CSNK2A1: variants seen among roughly 807,000 people sequenced by gnomAD.
CSNK2A1 encodes the protein casein kinase 2 alpha 1.
CSNK2A1 carries 10 observed loss-of-function variants against 62.9 expected under a neutral mutation model. The observed-to-expected ratio is 0.16, with a 90% CI of 0.10 to 0.27. The LOEUF (loss-of-function observed/expected upper bound fraction) is 0.27. Among genes scored for constraint, CSNK2A1 ranks in the 10% least tolerant of loss-of-function variants. CSNK2A1 has a pLI of 1.00. For synonymous variants in CSNK2A1, 124 were observed against 167.8 expected (o/e 0.74, Z 2.02); for missense variants, 160 against 492.0 (o/e 0.33, Z 6.38).
At position 479,544 on chromosome 20, in the gene CSNK2A1, G is replaced by A. The variant is rs1452283711; in HGVS notation, c.*4417C>T. On this transcript the variant is annotated 3_prime_UTR_variant, in exon 14 of 14. Coordinates refer to ENST00000217244, the MANE Select transcript of CSNK2A1 (RefSeq NM_177559.3). ...TACAATAACAATTTAAATCACCTGT[G>A]AAGAAAAGATTCAGAGAGGTTAACT... 1 of 152,198 alleles carries A rather than the reference G, an allele frequency of 6.6e-6. No homozygotes were observed. The highest frequency in any genetic ancestry group is 1.5e-5 in the Non-Finnish European group (1 of 68,036). The allele number at this position is 152,198 out of a possible 1,614,324, so 9.4% of individuals were successfully genotyped here.
chr20:520,979 G>T (rs911849930), intron 2 of CSNK2A1, among the ~76,000 whole-genome samples: 1 of 151,814 alleles, frequency 6.6e-6, no homozygotes, highest in African/African-American at 2.4e-5. Context: ...TACCTCTGGG[G>T]GGGAAAAAAA....
At chr20:486,841 T>C (rs367746468) in intron 12 of CSNK2A1, 1 of 202,602 alleles carries the variant, frequency 4.9e-6, no homozygotes, top group African/African-American at 2.3e-5. Context: ...GCCAAAGCTA[T>C]AGGTCCATGT....
intron 6 of CSNK2A1, chr20:498,218 T>G (rs1200266766): frequency 6.4e-6 from 1 of 155,380 alleles, no homozygotes; most frequent in Non-Finnish European, 1.4e-5. Context: ...ATACCAAACC[T>G]GTTGAGTCAA....
chr20:526,933 C>A (rs2019102835), intron 2 of CSNK2A1: 1 of 145,580 alleles, frequency 6.9e-6, no homozygotes, highest in Non-Finnish European at 1.5e-5. Flanking sequence ...AGCCTGGCGA[C>A]AGTGAGACTC....
In CSNK2A1 at chr20:499,966, A is replaced by G. The variant is rs1181617153; in HGVS notation, c.214-32T>C. 3.8e-6 allele frequency: 6 copies of G among 1,561,478 alleles called. No homozygotes were observed. The highest frequency in any genetic ancestry group is 2.8e-5 in the African/African-American group (2 of 71,894). ...GGGGAAAAGTACATCAGCAAAAAAA[A>G]AAAAAAAAAATTTTTTCAGAGTATT... is the stretch of plus-strand genomic sequence containing the variant. On this transcript the variant is annotated intron_variant, in intron 4 of 13. Transcript: ENST00000217244. The surrounding 1 kb of genome is among the most constrained non-coding windows in gnomAD (Gnocchi z 4.2).
chr20:488,530 C>G (rs1186087476), intron 11 of CSNK2A1, 148 bp downstream of exon 11: 1 of 722,022 alleles, frequency 1.4e-6, no homozygotes. Context: ...TTATCAGAGG[C>G]CTGCTCAATG....
intron 11 of CSNK2A1, chr20:487,830 C>T: frequency 1.9e-6 from 1 of 520,660 alleles, no homozygotes. Flanking sequence ...GGTTACTTGA[C>T]AGGACGTGAC....
In CSNK2A1 at chr20:481,667, G is replaced by C. The variant is rs1309726867; in HGVS notation, c.*2294C>G. On this transcript the variant is annotated 3_prime_UTR_variant, in exon 14 of 14. Transcript: ENST00000217244. Reference sequence around the variant, plus strand: ...GGTCTGATGGGTGTAAGGAGGTCCAGCTGTCTGCAGCTCTCCGCATCAGCC... The same window carrying C: ...GGTCTGATGGGTGTAAGGAGGTCCACCTGTCTGCAGCTCTCCGCATCAGCC... The C allele has an allele frequency of 2.0e-5, 3 of 152,136 alleles. No homozygotes were observed. The highest frequency in any genetic ancestry group is 4.4e-5 in the Non-Finnish European group (3 of 68,040). 9.4% of individuals were successfully genotyped at this position (152,136 alleles called of 1,614,324 possible). A position where few individuals can be genotyped will look rare whatever the true frequency, so the allele number is the denominator to read the frequency against.
chr20:475,694 T>G lies in CSNK2A1; in HGVS notation c.*8267A>C, dbSNP rs2017836288. 6.6e-6 allele frequency: 1 copy of G among 152,244 alleles called. No individual in the cohort carries two copies. Among genetic ancestry groups the G allele is most frequent in the Admixed American group, 6.5e-5 (1 of 15,278 alleles). 9.4% of individuals were successfully genotyped at this position (152,244 alleles called of 1,614,324 possible). On this transcript the variant is annotated 3_prime_UTR_variant, in exon 14 of 14. Coordinates refer to ENST00000217244, the MANE Select transcript of CSNK2A1 (RefSeq NM_177559.3). Reference sequence around the variant, plus strand: ...TCTATGCTTCCCTACTGCACTGATGTTGGGCTTGGCTATGTGATTTGCTTT... The same window carrying G: ...TCTATGCTTCCCTACTGCACTGATGGTGGGCTTGGCTATGTGATTTGCTTT...
At chr20:513,317 T>TA (rs1198875396) in intron 2 of CSNK2A1, among the ~76,000 whole-genome samples, 6 of 152,206 alleles carry the variant, frequency 3.9e-5, no homozygotes, top group African/African-American at 1.4e-4. Flanking sequence ...GTTCATCACT[T>TA]ATAAAACCTG....
intron 2 of CSNK2A1, among the ~76,000 whole-genome samples, chr20:511,925 C>G (rs1293826096): frequency 6.6e-6 from 1 of 152,132 alleles, no homozygotes; most frequent in South Asian, 2.1e-4. Context: ...TTTTGAAGAA[C>G]CAGCATATTG....
In CSNK2A1 at chr20:475,203, A is replaced by C. The variant is rs933971287; in HGVS notation, c.*8758T>G. The stretch of plus-strand genomic sequence containing the variant: ...GCCGGGCACGGTGGCTCACGCCTAT[A>C]ATCTCAGCACTTTTGGAGGCCGAGG... On this transcript the variant is annotated 3_prime_UTR_variant, in exon 14 of 14. Transcript: ENST00000217244. 2 of 152,212 alleles carry C rather than the reference A, an allele frequency of 1.3e-5. No homozygotes were observed. Among genetic ancestry groups the C allele is most frequent in the African/African-American group, 4.8e-5 (2 of 41,456 alleles). The allele number at this position is 152,212 out of a possible 1,614,324, so 9.4% of individuals were successfully genotyped here. A position where few individuals can be genotyped will look rare whatever the true frequency, so the allele number is the denominator to read the frequency against.
chr20:492,486 T>A, intron 8 of CSNK2A1, 122 bp from the exon 9 acceptor site: 1 of 846,050 alleles, frequency 1.2e-6, no homozygotes, highest in Non-Finnish European at 1.9e-6. Flanking sequence ...CTCCACTGAC[T>A]ACTTATAGCC....
At chr20:525,556 C>G (rs779302300) in intron 2 of CSNK2A1, among the ~76,000 whole-genome samples, 1 of 146,428 alleles carries the variant, frequency 6.8e-6, no homozygotes. Flanking sequence ...GAGGCTGAGG[C>G]AAGAGAATGG....
At chr20:487,908 T>G in intron 11 of CSNK2A1, 1 of 337,050 alleles carries the variant, frequency 3.0e-6, no homozygotes. Flanking sequence ...CCCACACATA[T>G]TCCTGGCATC....
At position 505,351 on chromosome 20, in the gene CSNK2A1, G is replaced by GTTTTT. The variant is rs746624346; in HGVS notation, c.102-127_102-123dup. On this transcript the variant is annotated intron_variant, in intron 3 of 13. Coordinates refer to ENST00000217244, the MANE Select transcript of CSNK2A1 (RefSeq NM_177559.3). ...AGTATTTCAAACAATTCCCAAATAG[G>GTTTTT]TTTTTTTTTTTTTTTTTTTTTTTTT... 3.4e-3 allele frequency: 801 copies of GTTTTT among 236,140 alleles called. 45 individuals are homozygous for GTTTTT. The highest frequency in any genetic ancestry group is 0.029 in the African/African-American group (682 of 23,700). The allele number at this position is 236,140 out of a possible 1,614,324, so 14.6% of individuals were successfully genotyped here.
intron 1 of CSNK2A1, chr20:540,857 T>C: frequency 6.6e-6 from 1 of 152,232 alleles, no homozygotes; most frequent in East Asian, 1.9e-4. Context: ...TTGGGTGGGC[T>C]TGGCTAGCTA....
chr20:492,088 T>C (rs2018247677), intron 9 of CSNK2A1, among the ~76,000 whole-genome samples, 166 bp downstream of exon 9: 1 of 152,148 alleles, frequency 6.6e-6, no homozygotes, highest in Non-Finnish European at 1.5e-5. Context: ...TAAGTCATGG[T>C]ACATGAATTA....
At chr20:509,222 A>G (rs532294862) in intron 2 of CSNK2A1, among the ~76,000 whole-genome samples, 23 of 152,386 alleles carry the variant, frequency 1.5e-4, no homozygotes, top group Non-Finnish European at 2.9e-4. Context: ...AATAATCAGT[A>G]GAACCTTGAT....
Sources: gnomAD v4.1 joint callset for allele counts (sites outside exome capture counted in the v4.1 genomes callset) on GRCh38, gnomAD v4.1.1 for gene constraint, Gnocchi (gnomAD v3.1) non-coding constraint, MANE v1.5 for transcripts, NCBI Gene and HGNC (gene_info 2026-07-23, HGNC 2026-07-21) for gene names.